EIF4G3: variants seen among roughly 807,000 people sequenced by gnomAD.
EIF4G3 encodes eukaryotic translation initiation factor 4 gamma 3, also known as eIF-4-gamma 3.
Under a neutral mutation model 186.4 loss-of-function variants are expected in EIF4G3, and 34 were observed. That is an observed-to-expected ratio of 0.18 (90% CI 0.14 to 0.24). The LOEUF is 0.24. EIF4G3 is among the 10% of genes least tolerant of loss of function. The pLI is 1.00. For synonymous variants in EIF4G3, 673 were observed against 679.5 expected (o/e 0.99, Z 0.15); for missense variants, 1,536 against 1,948.5 (o/e 0.79, Z 3.99).
intron 31 of EIF4G3, 117 bp downstream of exon 31, chr1:20,829,030 G>A (rs1288449335): frequency 1.8e-6 from 2 of 1,089,812 alleles, no homozygotes; most frequent in East Asian, 4.8e-5. Context: ...AAGAGTCACA[G>A]CCTGCATTCA....
intron 14 of EIF4G3, among the ~76,000 whole-genome samples, chr1:20,938,034 T>C (rs1350597405): frequency 6.6e-6 from 1 of 152,050 alleles, no homozygotes; most frequent in Non-Finnish European, 1.5e-5. Flanking sequence ...TCTTGCTCAG[T>C]TGCCTAGGCT....
intron 22 of EIF4G3, among the ~76,000 whole-genome samples, chr1:20,863,564 C>T (rs1486285811): frequency 6.6e-6 from 1 of 151,500 alleles, no homozygotes; most frequent in Non-Finnish European, 1.5e-5. Flanking sequence ...CCTGCCTCAG[C>T]CTCCCAAGTA....
At chr1:21,002,909 T>G in intron 4 of EIF4G3, 101 bp from the exon 5 acceptor site, 6 of 654,274 alleles carry the variant, frequency 9.2e-6, no homozygotes, top group Non-Finnish European at 1.6e-5. Context: ...TGGTTATTAA[T>G]GTGGTTTATA....
chr1:20,819,983 G>A (rs1388934907), intron 33 of EIF4G3, among the ~76,000 whole-genome samples: 3 of 152,192 alleles, frequency 2.0e-5, no homozygotes, highest in Non-Finnish European at 2.9e-5. Context: ...GGCTGCAGCA[G>A]GGAGGTGCAG....
intron 11 of EIF4G3, among the ~76,000 whole-genome samples, chr1:20,971,347 T>C (rs2075851352): frequency 1.3e-5 from 2 of 152,246 alleles, no homozygotes; most frequent in South Asian, 4.1e-4. Context: ...TGGAAAATTA[T>C]TTCTAATAAA....
intron 14 of EIF4G3, among the ~76,000 whole-genome samples, chr1:20,938,059 C>T (rs1227161997): frequency 2.6e-5 from 4 of 151,596 alleles, no homozygotes; most frequent in Non-Finnish European, 4.4e-5. Context: ...TGAAGTGGCG[C>T]GATGTTGGAT....
chr1:21,145,230 G>A (rs897448212), intron 2 of EIF4G3, among the ~76,000 whole-genome samples: 1 of 151,936 alleles, frequency 6.6e-6, no homozygotes, highest in African/African-American at 2.4e-5. Context: ...CTCTCATATA[G>A]ACAAGGAAAC....
intron 4 of EIF4G3, among the ~76,000 whole-genome samples, chr1:21,012,668 T>C (rs1158168361): frequency 6.6e-6 from 1 of 152,042 alleles, no homozygotes; most frequent in Non-Finnish European, 1.5e-5. Flanking sequence ...ACAAACAAGC[T>C]CCCTGTCCAG....
intron 30 of EIF4G3, among the ~76,000 whole-genome samples, chr1:20,835,794 G>A (rs1397306584): frequency 6.6e-6 from 1 of 151,916 alleles, no homozygotes; most frequent in Non-Finnish European, 1.5e-5. Flanking sequence ...AAAATCAGCT[G>A]AGCACAGTGG....
At chr1:21,165,858 T>C (rs1222665637) in intron 2 of EIF4G3, among the ~76,000 whole-genome samples, 1 of 152,036 alleles carries the variant, frequency 6.6e-6, no homozygotes, top group Non-Finnish European at 1.5e-5. Flanking sequence ...AATAAAGCTG[T>C]TTTTTAAAAA....
intron 14 of EIF4G3, among the ~76,000 whole-genome samples, chr1:20,928,547 C>G (rs923800786): frequency 6.6e-6 from 1 of 151,992 alleles, no homozygotes; most frequent in East Asian, 1.9e-4. Context: ...GGACTATAGG[C>G]GTGCACCACC....
At chr1:20,889,627 A>T (rs996786325) in intron 18 of EIF4G3, among the ~76,000 whole-genome samples, 2 of 152,034 alleles carry the variant, frequency 1.3e-5, no homozygotes, top group Non-Finnish European at 2.9e-5. Flanking sequence ...AGTAGCTGGG[A>T]CTACAGGCGC....
chr1:21,139,219 T>C (rs1002150722), intron 2 of EIF4G3, among the ~76,000 whole-genome samples: 2 of 152,208 alleles, frequency 1.3e-5, no homozygotes, highest in Non-Finnish European at 1.5e-5. Flanking sequence ...TTTATACTAT[T>C]ACTCTAGAAA....
At chr1:20,939,795 G>A (rs1055979758) in intron 14 of EIF4G3, among the ~76,000 whole-genome samples, 5 of 148,932 alleles carry the variant, frequency 3.4e-5, no homozygotes, top group Non-Finnish European at 3.0e-5. Flanking sequence ...CAACAAACAC[G>A]TGTTTCTTCG....
intron 16 of EIF4G3, among the ~76,000 whole-genome samples, chr1:20,898,390 A>C (rs1011021620): frequency 1.3e-5 from 2 of 152,196 alleles, no homozygotes; most frequent in African/African-American, 2.4e-5. Flanking sequence ...AGTACTAGTC[A>C]TTGGTTTTCA....
chr1:21,158,128 T>G (rs2097695299), intron 2 of EIF4G3, among the ~76,000 whole-genome samples: 1 of 151,958 alleles, frequency 6.6e-6, no homozygotes, highest in Admixed American at 6.6e-5. Context: ...ATGAGAAGAC[T>G]TCCTTTCTGT....
intron 2 of EIF4G3, among the ~76,000 whole-genome samples, chr1:21,123,209 G>C (rs2096958270): frequency 6.6e-6 from 1 of 152,072 alleles, no homozygotes; most frequent in Admixed American, 6.6e-5. Flanking sequence ...AATAATACAA[G>C]ACATAACACT....
intron 14 of EIF4G3, among the ~76,000 whole-genome samples, chr1:20,917,316 C>T (rs1029844179): frequency 2.0e-5 from 3 of 152,220 alleles, no homozygotes; most frequent in East Asian, 3.9e-4. Context: ...GGCAACATGG[C>T]GAAACGGTCT....
intron 16 of EIF4G3, among the ~76,000 whole-genome samples, chr1:20,898,066 T>C (rs1197377370): frequency 6.6e-6 from 1 of 152,196 alleles, no homozygotes; most frequent in Admixed American, 6.5e-5. Context: ...TTCTTTATTT[T>C]TGAACACAGT....
Sources: allele counts gnomAD v4.1 joint callset (sites outside exome capture counted in the v4.1 genomes callset), GRCh38; gene constraint gnomAD v4.1.1; transcripts MANE v1.5; gene names NCBI Gene and HGNC (gene_info 2026-07-23, HGNC 2026-07-21).